The following AS3MT variants were observed in gnomAD, a reference collection of about 807,000 sequenced individuals.
The protein encoded by AS3MT is arsenite methyltransferase, also known as S-adenosyl-L-methionine:arsenic(III) methyltransferase.
Under a neutral mutation model 45.3 loss-of-function variants are expected in AS3MT, and 47 were observed. The observed-to-expected ratio is 1.04, with a 90% confidence interval of 0.82 to 1.32. The LOEUF (loss-of-function observed/expected upper bound fraction) is 1.32. Ranked by LOEUF, AS3MT falls within the 40% of genes most tolerant of loss-of-function variation. The pLI is 0.00. For missense variants in AS3MT, 396 were observed against 451.1 expected, an observed-to-expected ratio of 0.88 and a Z score of 1.11; for synonymous variants, 141 against 152.8, an observed-to-expected ratio of 0.92 and a Z score of 0.57.
chr10:102,895,656 G>A (rs568868296), intron 10 of AS3MT, among the ~76,000 whole-genome samples: 10 of 152,130 alleles, frequency 6.6e-5, no homozygotes, highest in Non-Finnish European at 1.5e-4. Flanking sequence ...TAGCTTTGCC[G>A]GGTGTGGTGG....
chr10:102,872,296 G>A, intron 3 of AS3MT, 152 bp from the exon 4 acceptor site: 3 of 790,604 alleles, frequency 3.8e-6, no homozygotes, highest in Non-Finnish European at 6.0e-6. Flanking sequence ...GTTCAGTGGA[G>A]ACTAAACATC....
chr10:102,883,927 A>G (rs1239186670), intron 9 of AS3MT, among the ~76,000 whole-genome samples: 1 of 151,956 alleles, frequency 6.6e-6, no homozygotes. Flanking sequence ...TGATGAGATC[A>G]AAGTCTACTC....
intron 9 of AS3MT, among the ~76,000 whole-genome samples, chr10:102,883,511 G>C (rs566702463): frequency 1.3e-5 from 2 of 151,784 alleles, no homozygotes; most frequent in African/African-American, 4.8e-5. Context: ...TCAGGAGTTC[G>C]AGACCAGCCT....
chr10:102,872,105 CA>C (rs1478007179), intron 3 of AS3MT, among the ~76,000 whole-genome samples: 2 of 152,028 alleles, frequency 1.3e-5, no homozygotes, highest in Non-Finnish European at 2.9e-5. Flanking sequence ...GGCTGGTCTC[CA>C]ACTCCTTGCC....
intron 9 of AS3MT, among the ~76,000 whole-genome samples, chr10:102,882,088 C>T (rs533337718): frequency 2.0e-5 from 3 of 151,956 alleles, no homozygotes; most frequent in Non-Finnish European, 4.4e-5. Context: ...TACAGGTGCC[C>T]GCCACCACAC....
intron 9 of AS3MT, among the ~76,000 whole-genome samples, chr10:102,882,631 C>G (rs1490624791): frequency 6.6e-6 from 1 of 151,926 alleles, no homozygotes; most frequent in African/African-American, 2.4e-5. Context: ...GCTCTGTTGC[C>G]TAGGCTGGAG....
At chr10:102,871,727 C>CAAAACA (rs1321148642) in intron 3 of AS3MT, among the ~76,000 whole-genome samples, 1 of 148,108 alleles carries the variant, frequency 6.8e-6, no homozygotes, top group African/African-American at 2.5e-5. Context: ...GACTCCGTCT[C>CAAAACA]AAACAAAACA....
chr10:102,896,983 C>T (rs556116649), intron 10 of AS3MT, among the ~76,000 whole-genome samples: 2 of 152,276 alleles, frequency 1.3e-5, no homozygotes, highest in East Asian at 3.9e-4. Context: ...TATTTTGAAA[C>T]TCCTGAGAGT....
At chr10:102,875,293 A>C (rs981377564) in intron 6 of AS3MT, among the ~76,000 whole-genome samples, 1 of 151,954 alleles carries the variant, frequency 6.6e-6, no homozygotes, top group Non-Finnish European at 1.5e-5. Flanking sequence ...CTTGGCCAAC[A>C]TGGAGAAACT....
chr10:102,874,628 A>G lies in AS3MT; in HGVS notation c.495A>G (p.Gln165=). The change falls in exon 6 of 11, where the codon CAA becomes CAG. Residue 165 remains glutamine (Q), a synonymous_variant. Transcript: ENST00000369880. ...TTATTAACCTTGTGCCTGATAAACA[A>G]CAAGTGCTTCAGGAGGCATATCGGG... ...NCVINLVPDK[Q]QVLQEAYRVL... is the part of the protein sequence containing the mutation. 6.2e-7 allele frequency: 1 copy of G among 1,610,486 alleles called. No individual in the cohort carries two copies. The highest frequency in any genetic ancestry group is 2.2e-5 in the East Asian group (1 of 44,742).
Position 102,889,614 on chromosome 10 carries a change from GCCTT to G in AS3MT, c.886-901_886-898del, listed in dbSNP as rs1554884643. 1.3e-3 allele frequency among the ~76,000 whole-genome samples: 153 copies of G among 114,046 alleles called. 1 individual carries two copies. Among genetic ancestry groups the G allele is most frequent in the South Asian group, 4.8e-3 (14 of 2,914 alleles). The allele number at this position is 114,046 out of a possible 152,430, so 74.8% of individuals were successfully genotyped here. A position where few individuals can be genotyped will look rare whatever the true frequency, so the allele number is the denominator to read the frequency against. On this transcript the variant is annotated intron_variant, in intron 9 of 10. Coordinates refer to ENST00000369880, the MANE Select transcript of AS3MT (RefSeq NM_020682.4). Reference sequence around the variant, plus strand: ...CTTCCCTTCCCCTGCCTGTCTGCCTGCCTTCCTTCCTTCCTTCCTTCCTTCCTTC... The same window carrying G: ...CTTCCCTTCCCCTGCCTGTCTGCCTGCCTTCCTTCCTTCCTTCCTTCCTTC...
chr10:102,878,713 G>C, intron 8 of AS3MT, 136 bp from the exon 9 acceptor site: 1 of 1,326,650 alleles, frequency 7.5e-7, no homozygotes, highest in Non-Finnish European at 1.0e-6. Flanking sequence ...AGTAAATAGA[G>C]TGAAGTGCTC....
At chr10:102,873,473 A>G (rs960849513) in intron 5 of AS3MT, among the ~76,000 whole-genome samples, 1 of 152,040 alleles carries the variant, frequency 6.6e-6, no homozygotes, top group African/African-American at 2.4e-5. Context: ...TTTAGTAGAG[A>G]CAGGGTTTCA....
intron 10 of AS3MT, among the ~76,000 whole-genome samples, chr10:102,891,351 G>A: frequency 6.6e-6 from 1 of 152,166 alleles, no homozygotes; most frequent in Non-Finnish European, 1.5e-5. Context: ...TATTATACCT[G>A]CTTTAACAAG....
intron 10 of AS3MT, among the ~76,000 whole-genome samples, chr10:102,897,342 C>CCACTGCACTCCAGCCTGGGCGA (rs1333557597): frequency 2.0e-5 from 3 of 150,900 alleles, no homozygotes; most frequent in African/African-American, 7.3e-5. Context: ...AGAGATCATG[C>CCACTGCACTCCAGCCTGGGCGA]CACTGCACTC....
intron 10 of AS3MT, among the ~76,000 whole-genome samples, chr10:102,900,077 T>C (rs191928087): frequency 6.6e-6 from 1 of 152,256 alleles, no homozygotes; most frequent in East Asian, 1.9e-4. Flanking sequence ...AATACAGCAG[T>C]CTTGTCTTTT....
chr10:102,878,587 C>T (rs763000032), intron 8 of AS3MT, 77 bp downstream of exon 8: 6 of 1,548,136 alleles, frequency 3.9e-6, no homozygotes, highest in Non-Finnish European at 5.3e-6. Context: ...TAAGTAACTT[C>T]TGAAGGAGTC....
Position 102,881,876 on chromosome 10 carries a change from C to T in AS3MT, c.885+2885C>T, listed in dbSNP as rs1332473606. 6.6e-6 allele frequency among the ~76,000 whole-genome samples: 1 copy of T among 151,448 alleles called. No homozygotes were observed. The highest frequency in any genetic ancestry group is 2.4e-5 in the African/African-American group (1 of 41,192). On this transcript the variant is annotated intron_variant, in intron 9 of 10. Coordinates refer to ENST00000369880, the MANE Select transcript of AS3MT (RefSeq NM_020682.4). This position sits in a 1 kb window ranked among gnomAD's most constrained non-coding sequence, Gnocchi z 4.2. Reference sequence around the variant, plus strand: ...TCAGCCTCCCAAGTAGCTGGGACTACAGGCATGTGTCACCATGCCTGGCTA... The same window carrying T: ...TCAGCCTCCCAAGTAGCTGGGACTATAGGCATGTGTCACCATGCCTGGCTA...
intron 4 of AS3MT, 46 bp from the exon 5 acceptor site, chr10:102,873,051 G>C: frequency 6.8e-7 from 1 of 1,480,190 alleles, no homozygotes; most frequent in Non-Finnish European, 9.1e-7. Flanking sequence ...AAAAAGTTGT[G>C]TATTTTTTTC....
Sources: gnomAD v4.1 joint callset for allele counts (sites outside exome capture counted in the v4.1 genomes callset) on GRCh38, gnomAD v4.1.1 for gene constraint, Gnocchi (gnomAD v3.1) non-coding constraint, MANE v1.5 for transcripts, NCBI Gene and HGNC (gene_info 2026-07-23, HGNC 2026-07-21) for gene names.